Variants in USH2A observed in about 807,000 individuals in gnomAD.
The protein encoded by USH2A is usherin, also known as Usher syndrome 2A (autosomal recessive, mild).
A neutral mutation model predicts 538.9 loss-of-function variants in USH2A; 443 were observed. That is an observed-to-expected ratio of 0.82 (90% CI 0.76 to 0.89). The LOEUF (loss-of-function observed/expected upper bound fraction) is 0.89. Among genes scored for constraint, USH2A ranks in the 40% least tolerant of loss-of-function variants. USH2A has a pLI of 0.00. For missense variants in USH2A, 6,633 were observed against 6,324.8 expected (o/e 1.05, Z -1.65); for synonymous variants, 2,413 against 2,273.5 (o/e 1.06, Z -1.75).
intron 21 of USH2A, among the ~76,000 whole-genome samples, chr1:216,171,470 T>G (rs550448223): frequency 6.6e-6 from 1 of 152,224 alleles, no homozygotes; most frequent in Non-Finnish European, 1.5e-5. Flanking sequence ...ATATAACATT[T>G]GAGCAAACAT....
At chr1:216,135,172 A>T (rs867406400) in intron 21 of USH2A, among the ~76,000 whole-genome samples, 6 of 125,536 alleles carry the variant, frequency 4.8e-5, no homozygotes, top group African/African-American at 2.1e-4. Flanking sequence ...TCTCTCACAC[A>T]CACACATACA....
intron 30 of USH2A, among the ~76,000 whole-genome samples, chr1:216,048,889 C>T (rs146517942): frequency 2.9e-4 from 44 of 152,290 alleles, no homozygotes; most frequent in African/African-American, 9.9e-4. Flanking sequence ...TCTCAAACAG[C>T]ATCTGATGTT....
intron 21 of USH2A, among the ~76,000 whole-genome samples, chr1:216,124,117 C>A (rs946560439): frequency 1.3e-5 from 2 of 152,046 alleles, no homozygotes; most frequent in African/African-American, 2.4e-5. Context: ...TAAATAGAAA[C>A]CTTTTGTCGC....
intron 37 of USH2A, among the ~76,000 whole-genome samples, chr1:215,944,539 T>G (rs1666712141): frequency 6.6e-6 from 1 of 152,176 alleles, no homozygotes; most frequent in Admixed American, 6.5e-5. Context: ...TTATCTTTCA[T>G]TATTCAGCAT....
At chr1:216,096,842 T>C (rs2032452156) in intron 22 of USH2A, among the ~76,000 whole-genome samples, 1 of 152,234 alleles carries the variant, frequency 6.6e-6, no homozygotes, top group African/African-American at 2.4e-5. Context: ...ATTTTGGTTG[T>C]TAAGCCCACA....
At chr1:215,633,640 C>G (rs1197422842) in intron 70 of USH2A, among the ~76,000 whole-genome samples, 1 of 152,114 alleles carries the variant, frequency 6.6e-6, no homozygotes, top group African/African-American at 2.4e-5. Flanking sequence ...AATATAGAAC[C>G]TTAGTGCAAA....
At position 215,639,048 on chromosome 1, in the gene USH2A, T is replaced by C; in HGVS notation, c.15052+107A>G. The C allele has an allele frequency of 2.8e-6, 3 of 1,072,976 alleles. No individual in the cohort carries two copies. The South Asian group carries it at 3.8e-5, about 14-fold the overall frequency. The allele number at this position is 1,072,976 out of a possible 1,614,324, so 66.5% of individuals were successfully genotyped here. A position where few individuals can be genotyped will look rare whatever the true frequency, so the allele number is the denominator to read the frequency against. ...AACACTTGGCACAATTTCTTCTGTA[T>C]AGTCTATGCTAATATATTAGGACTC... On this transcript the variant is annotated intron_variant, in intron 69 of 71. Coordinates refer to ENST00000307340, the MANE Select transcript of USH2A (RefSeq NM_206933.4).
At chr1:216,020,116 T>C (rs927189412) in intron 32 of USH2A, among the ~76,000 whole-genome samples, 1 of 152,204 alleles carries the variant, frequency 6.6e-6, no homozygotes, top group South Asian at 2.1e-4. Context: ...GAAAGACACT[T>C]ATAAGTGTTC....
intron 38 of USH2A, among the ~76,000 whole-genome samples, chr1:215,909,289 G>A (rs1665715942): frequency 6.6e-6 from 1 of 151,866 alleles, no homozygotes; most frequent in Non-Finnish European, 1.5e-5. Context: ...GGGGTTGGGG[G>A]AGGGCTGTAT....
chr1:215,753,311 G>A (rs958319820), intron 58 of USH2A, among the ~76,000 whole-genome samples: 12 of 152,042 alleles, frequency 7.9e-5, no homozygotes, highest in African/African-American at 2.9e-4. Context: ...CCATTACTGG[G>A]TATATACCCA....
intron 35 of USH2A, among the ~76,000 whole-genome samples, chr1:215,990,335 A>C (rs1197693986): frequency 6.6e-6 from 1 of 152,230 alleles, no homozygotes; most frequent in African/African-American, 2.4e-5. Context: ...CTGGATGGTA[A>C]GTACTTCTAT....
rs975454760 is a variant in USH2A, at chr1:216,010,376, G to A, written c.6326-9814C>T. On this transcript the variant is annotated intron_variant, in intron 32 of 71. Transcript: ENST00000307340. ...TCTGTGCCGGACCCCACTGGAAATC[G>A]GACTGTTCAGCTCACCTGGCAGCCA... 8.5e-5 allele frequency among the ~76,000 whole-genome samples: 13 copies of A among 152,066 alleles called. 1 individual carries two copies. Among genetic ancestry groups the A allele is most frequent in the East Asian group, 3.9e-4 (2 of 5,182 alleles).
chr1:216,378,016 T>G (rs941563185), intron 3 of USH2A, among the ~76,000 whole-genome samples: 4 of 151,668 alleles, frequency 2.6e-5, no homozygotes, highest in African/African-American at 9.7e-5. Flanking sequence ...GGTTCTGCCT[T>G]CACAAAGCCT....
At chr1:216,120,473 G>T (rs534395620) in intron 21 of USH2A, among the ~76,000 whole-genome samples, 2 of 151,586 alleles carry the variant, frequency 1.3e-5, no homozygotes, top group Non-Finnish European at 2.9e-5. Flanking sequence ...TCCGCCTCCC[G>T]GGTTCACGCC....
At position 216,207,283 on chromosome 1, in the gene USH2A, T is replaced by C. The variant is rs1166439948; in HGVS notation, c.3306A>G (p.Gln1102=). Residue 1102 remains glutamine, a synonymous_variant, in exon 16 of 72, where the codon CAA becomes CAG. Transcript: ENST00000307340. ...AACCCTTAAACTCACTGTATGGGTA[T>C]TGATCCTCTGTTGTGTAGATTTCAA... The part of the protein sequence containing the change: ...DGFEIYTTED[Q]YPYSIQYFLD... 6.2e-7 allele frequency: 1 copy of C among 1,613,886 alleles called. No homozygotes were observed. Among genetic ancestry groups the C allele is most frequent in the African/African-American group, 1.3e-5 (1 of 74,908 alleles).
intron 9 of USH2A, among the ~76,000 whole-genome samples, chr1:216,311,071 C>A (rs373816352): frequency 1.3e-5 from 2 of 152,148 alleles, no homozygotes; most frequent in Admixed American, 1.3e-4. Context: ...GGGTTTGTGC[C>A]GAGGAGAACA....
At chr1:216,384,954 T>C (rs1249613431) in intron 3 of USH2A, among the ~76,000 whole-genome samples, 1 of 152,158 alleles carries the variant, frequency 6.6e-6, no homozygotes, top group Non-Finnish European at 1.5e-5. Flanking sequence ...AAAGTGAAGC[T>C]TCATGGTCAT....
At chr1:216,378,247 T>G (rs2038872493) in intron 3 of USH2A, among the ~76,000 whole-genome samples, 1 of 152,182 alleles carries the variant, frequency 6.6e-6, no homozygotes, top group Non-Finnish European at 1.5e-5. Context: ...AGTTACAACA[T>G]CTAATATTTT....
At chr1:215,820,289 T>TCACACA (rs35119241) in intron 47 of USH2A, among the ~76,000 whole-genome samples, 3,094 of 150,296 alleles carry the variant, frequency 0.021, 116 homozygotes, top group African/African-American at 0.072. Flanking sequence ...TCTCATTCCT[T>TCACACA]CACACACACA....
Sources: allele counts gnomAD v4.1 joint callset (sites outside exome capture counted in the v4.1 genomes callset), GRCh38; gene constraint gnomAD v4.1.1; transcripts MANE v1.5; gene names NCBI Gene and HGNC (gene_info 2026-07-23, HGNC 2026-07-21).